Variants in SOCS4 observed in about 807,000 individuals in gnomAD.
SOCS4 encodes the protein SH2 domain containing SOCS box protein.
Under a neutral mutation model 34.1 loss-of-function variants are expected in SOCS4, and 20 were observed. The observed-to-expected ratio is 0.59, with a 90% CI of 0.41 to 0.85. The LOEUF is 0.85. Among genes scored for constraint, SOCS4 ranks in the 40% least tolerant of loss-of-function variants. The pLI is 0.00. For synonymous variants in SOCS4, 180 were observed against 186.4 expected (o/e 0.97, Z 0.28); for missense variants, 479 against 532.4 (o/e 0.90, Z 0.99).
intron 2 of SOCS4, among the ~76,000 whole-genome samples, chr14:55,041,501 C>A (rs1594614302): frequency 6.6e-6 from 1 of 151,252 alleles, no homozygotes; most frequent in African/African-American, 2.4e-5. Flanking sequence ...TCCTCCAAGA[C>A]AGAGTCTTGC....
At chr14:55,034,570 A>G (rs1190301799) in intron 2 of SOCS4, among the ~76,000 whole-genome samples, 1 of 152,140 alleles carries the variant, frequency 6.6e-6, no homozygotes, top group Non-Finnish European at 1.5e-5. Flanking sequence ...GCGGTGACTC[A>G]TGCCTGTAAT....
chr14:55,037,496 T>A (rs2042583407), intron 2 of SOCS4, among the ~76,000 whole-genome samples: 2 of 151,552 alleles, frequency 1.3e-5, no homozygotes, highest in African/African-American at 2.4e-5. Context: ...CACCTCTTTT[T>A]TTTTATTTTT....
chr14:55,034,836 T>C (rs2042558093), intron 2 of SOCS4, among the ~76,000 whole-genome samples: 1 of 151,280 alleles, frequency 6.6e-6, no homozygotes, highest in South Asian at 2.1e-4. Flanking sequence ...AAAAAAAGTT[T>C]TCATTGCATT....
intron 1 of SOCS4, among the ~76,000 whole-genome samples, chr14:55,029,308 G>T (rs1254782037): frequency 6.6e-6 from 1 of 152,148 alleles, no homozygotes; most frequent in East Asian, 1.9e-4. Flanking sequence ...ACTGATAGGA[G>T]TATCAAAAAT....
Position 55,044,384 on chromosome 14 carries a change from G to C in SOCS4, c.*20G>C, listed in dbSNP as rs770716850. Reference sequence around the variant, plus strand: ...TGCTAGTAACAGGATGGGAACATGGGAATGATAATATATATTTTTTCTTTT... The same window carrying C: ...TGCTAGTAACAGGATGGGAACATGGCAATGATAATATATATTTTTTCTTTT... On this transcript the variant is annotated 3_prime_UTR_variant, in exon 3 of 3. Coordinates refer to ENST00000555846, the MANE Select transcript of SOCS4 (RefSeq NM_199421.2). 5.5e-6 allele frequency: 8 copies of C among 1,449,092 alleles called. No individual in the cohort carries two copies. In the East Asian group the frequency reaches 9.7e-5, roughly 17 times the overall value. The allele number at this position is 1,449,092 out of a possible 1,614,324, so 89.8% of individuals were successfully genotyped here. A position where few individuals can be genotyped will look rare whatever the true frequency, so the allele number is the denominator to read the frequency against.
At position 55,047,198 on chromosome 14, in the gene SOCS4, G is replaced by A. The variant is rs1344313399; in HGVS notation, c.*2834G>A. 6.0e-6 allele frequency: 1 copy of A among 167,068 alleles called. No homozygotes were observed. 10.3% of individuals were successfully genotyped at this position (167,068 alleles called of 1,614,324 possible). The stretch of plus-strand genomic sequence containing the variant: ...AATTTAGGCATTACCTCAGGGAAAA[G>A]CCTTGACAGTGAAAAGAAACTACTT... On this transcript the variant is annotated 3_prime_UTR_variant, in exon 3 of 3. Coordinates refer to ENST00000555846, the MANE Select transcript of SOCS4 (RefSeq NM_199421.2).
At position 55,031,993 on chromosome 14, in the gene SOCS4, T is replaced by G. The variant is rs1000562918; in HGVS notation, c.-91+2T>G. The G allele has an allele frequency of 6.6e-6, 1 of 152,214 alleles. No homozygotes were observed. The highest frequency in any genetic ancestry group is 2.4e-5 in the African/African-American group (1 of 41,458). 9.4% of individuals were successfully genotyped at this position (152,214 alleles called of 1,614,324 possible). A position where few individuals can be genotyped will look rare whatever the true frequency, so the allele number is the denominator to read the frequency against. On this transcript the variant is annotated splice_donor_variant, in intron 2 of 2. Transcript: ENST00000555846. LOFTEE classifies it low-confidence loss of function (5UTR_SPLICE). ...GAGTTTTTGGGCACATGATGGCAGG[T>G]AAACTTTGGAATCATGAATTTCGTA... is the stretch of plus-strand genomic sequence containing the variant.
chr14:55,035,388 AT>A (rs1429909802), intron 2 of SOCS4, among the ~76,000 whole-genome samples: 1 of 152,138 alleles, frequency 6.6e-6, no homozygotes, highest in African/African-American at 2.4e-5. Flanking sequence ...AAGATGTCAA[AT>A]TTTTCTGTAA....
chr14:55,039,829 G>A (rs1468503751), intron 2 of SOCS4, among the ~76,000 whole-genome samples: 6 of 152,182 alleles, frequency 3.9e-5, no homozygotes, highest in Non-Finnish European at 8.8e-5. Flanking sequence ...CCAGGAGGTC[G>A]AGCTTGCAGT....
chr14:55,037,184 G>A (rs181514648), intron 2 of SOCS4, among the ~76,000 whole-genome samples: 5,610 of 148,602 alleles, frequency 0.038, 340 homozygotes, highest in African/African-American at 0.13. Context: ...TCACTCTGTC[G>A]CCCAGGCTAG....
chr14:55,039,907 A>G (rs2042602976), intron 2 of SOCS4, among the ~76,000 whole-genome samples: 1 of 152,214 alleles, frequency 6.6e-6, no homozygotes. Context: ...AAAAAGAAAA[A>G]GAAAAAAAGA....
At chr14:55,034,072 G>A (rs1161874787) in intron 2 of SOCS4, among the ~76,000 whole-genome samples, 4 of 152,182 alleles carry the variant, frequency 2.6e-5, no homozygotes, top group Non-Finnish European at 4.4e-5. Context: ...AGGTGGAGGT[G>A]CAGTGAGCCG....
Position 55,049,264 on chromosome 14 carries a change from A to T in SOCS4, c.*4900A>T, listed in dbSNP as rs1200609085. On this transcript the variant is annotated 3_prime_UTR_variant, in exon 3 of 3. Transcript: ENST00000555846. ...GCTAGAATTGGATAAATTCTGTATA[A>T]GCCAAGTATGAGTTCACATGTACTC... The T allele has an allele frequency of 6.0e-6, 1 of 167,098 alleles. No homozygotes were observed. The highest frequency in any genetic ancestry group is 3.1e-3 in the Middle Eastern group (1 of 318). The allele number at this position is 167,098 out of a possible 1,614,324, so 10.4% of individuals were successfully genotyped here. A position where few individuals can be genotyped will look rare whatever the true frequency, so the allele number is the denominator to read the frequency against.
Position 55,043,496 on chromosome 14 carries a change from C to T in SOCS4, c.455C>T (p.Ala152Val), listed in dbSNP as rs1464289405. ...FRWHFIKRHT[A>V]PINSKSDEWV... Reference sequence around the variant, plus strand: ...TGGCATTTTATTAAACGACACACTGCTCCTATAAATTCCAAATCAGATGAA... The same window carrying T: ...TGGCATTTTATTAAACGACACACTGTTCCTATAAATTCCAAATCAGATGAA... Residue 152 changes from alanine to valine, a missense_variant, in exon 3 of 3, where the codon GCT becomes GTT. Coordinates refer to ENST00000555846, the MANE Select transcript of SOCS4 (RefSeq NM_199421.2). 2 of 1,614,070 alleles carry T rather than the reference C, an allele frequency of 1.2e-6. No homozygotes were observed. Among genetic ancestry groups the T allele is most frequent in the African/African-American group, 2.7e-5 (2 of 74,938 alleles).
In SOCS4 at chr14:55,046,765, A is replaced by T. The variant is rs2042679814; in HGVS notation, c.*2401A>T. 1 of 167,042 alleles carries T rather than the reference A, an allele frequency of 6.0e-6. No homozygotes were observed. Among genetic ancestry groups the T allele is most frequent in the Non-Finnish European group, 1.5e-5 (1 of 68,068 alleles). 10.3% of individuals were successfully genotyped at this position (167,042 alleles called of 1,614,324 possible). A position where few individuals can be genotyped will look rare whatever the true frequency, so the allele number is the denominator to read the frequency against. On this transcript the variant is annotated 3_prime_UTR_variant, in exon 3 of 3. Transcript: ENST00000555846. Reference sequence around the variant, plus strand: ...TTCCTTTGGTATTTGCTACAGTGAAAAGAAGTTTGGAAAGTAGATACATAA... The same window carrying T: ...TTCCTTTGGTATTTGCTACAGTGAATAGAAGTTTGGAAAGTAGATACATAA...
intron 1 of SOCS4, among the ~76,000 whole-genome samples, chr14:55,029,029 T>A (rs1208229756): frequency 6.6e-6 from 1 of 152,220 alleles, no homozygotes; most frequent in Non-Finnish European, 1.5e-5. Context: ...TTTGTTTAAA[T>A]AATTATCCAG....
chr14:55,033,780 A>G (rs1453404514), intron 2 of SOCS4, among the ~76,000 whole-genome samples: 1 of 152,264 alleles, frequency 6.6e-6, no homozygotes, highest in East Asian at 1.9e-4. Flanking sequence ...TCTCATTACA[A>G]AGTATTTTAA....
At chr14:55,029,692 A>T (rs1184912951) in intron 1 of SOCS4, among the ~76,000 whole-genome samples, 1 of 152,188 alleles carries the variant, frequency 6.6e-6, no homozygotes, top group Non-Finnish European at 1.5e-5. Flanking sequence ...GTAAGGCTAG[A>T]AGAGTGTAAC....
At chr14:55,029,165 G>A (rs1003498398) in intron 1 of SOCS4, among the ~76,000 whole-genome samples, 10 of 152,036 alleles carry the variant, frequency 6.6e-5, no homozygotes, top group African/African-American at 2.4e-4. Flanking sequence ...TCTTGCTGAG[G>A]GAAATAGACA....
Sources: allele counts gnomAD v4.1 joint callset (sites outside exome capture counted in the v4.1 genomes callset), GRCh38; gene constraint gnomAD v4.1.1; transcripts MANE v1.5; gene names NCBI Gene and HGNC (gene_info 2026-07-23, HGNC 2026-07-21).